The following MPPED1 variants were observed in gnomAD, a reference collection of about 807,000 sequenced individuals.
MPPED1 encodes the protein metallophosphoesterase domain containing 1.
MPPED1 carries 16 observed loss-of-function variants against 36.2 expected under a neutral mutation model. The ratio of observed to expected loss-of-function variants is 0.44; its 90% CI spans 0.30 to 0.67. The LOEUF is 0.67. Ranked by LOEUF, MPPED1 falls within the 30% of genes least tolerant of loss-of-function variation. The probability of loss-of-function intolerance (pLI) is 0.10; values close to 1 mark genes in which losing one functional copy is unlikely to be tolerated. For missense variants in MPPED1, 307 were observed against 453.4 expected (o/e 0.68, Z 2.93); for synonymous variants, 199 against 191.3 (o/e 1.04, Z -0.33).
At chr22:43,452,348 C>G (rs1327083620) in intron 3 of MPPED1, among the ~76,000 whole-genome samples, 2 of 152,092 alleles carry the variant, frequency 1.3e-5, no homozygotes, top group Non-Finnish European at 2.9e-5. Flanking sequence ...TGGAACCTCT[C>G]ATACTCCTGG....
chr22:43,455,145 T>C (rs1930711082), intron 3 of MPPED1, among the ~76,000 whole-genome samples: 1 of 116,812 alleles, frequency 8.6e-6, no homozygotes, highest in Non-Finnish European at 1.7e-5. Context: ...AGTCTTACTC[T>C]GTCACCCAGA....
At chr22:43,503,139 C>T (rs1194295426) in intron 6 of MPPED1, among the ~76,000 whole-genome samples, 1 of 152,094 alleles carries the variant, frequency 6.6e-6, no homozygotes, top group Non-Finnish European at 1.5e-5. Flanking sequence ...AACTGGTGGC[C>T]CTGTCTTGTT....
chr22:43,483,114 T>C (rs1290357215), intron 4 of MPPED1, among the ~76,000 whole-genome samples: 2 of 152,316 alleles, frequency 1.3e-5, no homozygotes, highest in African/African-American at 2.4e-5. Flanking sequence ...TGGGCCTGCA[T>C]GGCAGGGAGG....
At chr22:43,413,285 T>C (rs973824460) in intron 1 of MPPED1, among the ~76,000 whole-genome samples, 1 of 141,352 alleles carries the variant, frequency 7.1e-6, no homozygotes, top group Admixed American at 7.6e-5. Context: ...GGGAGTTGAA[T>C]GGCACTGGGA....
At chr22:43,462,488 T>C (rs1436523061) in intron 3 of MPPED1, among the ~76,000 whole-genome samples, 13 of 152,244 alleles carry the variant, frequency 8.5e-5, no homozygotes, top group Non-Finnish European at 1.3e-4. Flanking sequence ...AATGAAGATT[T>C]AGAGATTTAG....
chr22:43,485,947 G>A (rs1053196626), intron 4 of MPPED1, among the ~76,000 whole-genome samples: 3 of 152,368 alleles, frequency 2.0e-5, no homozygotes, highest in South Asian at 2.1e-4. Context: ...GGCAGCCATC[G>A]GGCCCCAAGG....
At chr22:43,492,932 G>C (rs187452785) in intron 4 of MPPED1, among the ~76,000 whole-genome samples, 1 of 152,298 alleles carries the variant, frequency 6.6e-6, no homozygotes, top group East Asian at 1.9e-4. Flanking sequence ...CCAAGAACAG[G>C]TAAAGTCCTG....
intron 4 of MPPED1, among the ~76,000 whole-genome samples, chr22:43,482,401 C>A (rs1015917983): frequency 6.6e-6 from 1 of 152,070 alleles, no homozygotes; most frequent in Non-Finnish European, 1.5e-5. Context: ...TTCACTGTCT[C>A]CCGGCAGGGC....
intron 3 of MPPED1, among the ~76,000 whole-genome samples, chr22:43,469,328 A>G (rs1014629455): frequency 6.6e-6 from 1 of 152,128 alleles, no homozygotes; most frequent in African/African-American, 2.4e-5. Context: ...TTTTTCCCCC[A>G]TAAAGCCCCT....
At chr22:43,426,301 A>T (rs1422827087) in intron 2 of MPPED1, among the ~76,000 whole-genome samples, 1 of 151,606 alleles carries the variant, frequency 6.6e-6, no homozygotes, top group Non-Finnish European at 1.5e-5. Context: ...TGGCTGTTGT[A>T]CCTTCACCCG....
rs531003607 is a variant in MPPED1 at position 43,427,993 on chromosome 22, G to T, written c.224+2784G>T. On this transcript the variant is annotated intron_variant, in intron 2 of 6. Coordinates refer to ENST00000443721, the MANE Select transcript of MPPED1 (RefSeq NM_001044370.2). ...GGGATGAAATAGTTAAATCCTCGTA[G>T]AGAAGGCGCGGTGGGCAGCAAGCGT... is the stretch of plus-strand genomic sequence containing the variant. 5.3e-5 allele frequency among the ~76,000 whole-genome samples: 8 copies of T among 152,308 alleles called. No individual in the cohort carries two copies. The East Asian group carries it at 1.5e-3, about 29-fold the overall frequency.
chr22:43,425,863 G>A (rs1035373821), intron 2 of MPPED1, among the ~76,000 whole-genome samples: 8 of 152,242 alleles, frequency 5.3e-5, no homozygotes, highest in Admixed American at 1.3e-4. Context: ...GTGAGGCCCT[G>A]GGGAGCACAC....
chr22:43,439,852 C>T lies in MPPED1; in HGVS notation c.406+4637C>T, dbSNP rs149513710. On this transcript the variant is annotated intron_variant, in intron 3 of 6. Transcript: ENST00000443721. ...CCTCACTCGTAGAATAAGCTCCCCT[C>T]CCTGGTCCGGGGCCCACGCTCCACT... Among the ~76,000 whole-genome samples the T allele has an allele frequency of 9.0e-3, 1,367 of 152,332 alleles. 44 individuals carry two copies. In the South Asian group the frequency reaches 0.097, roughly 11 times the overall value.
chr22:43,470,606 A>G (rs1243959864), intron 3 of MPPED1, among the ~76,000 whole-genome samples: 1 of 152,200 alleles, frequency 6.6e-6, no homozygotes, highest in East Asian at 1.9e-4. Context: ...CCATCCATCC[A>G]CTGAGAGGCG....
chr22:43,458,574 G>A (rs1292182622), intron 3 of MPPED1, among the ~76,000 whole-genome samples: 1 of 152,118 alleles, frequency 6.6e-6, no homozygotes, highest in Non-Finnish European at 1.5e-5. Context: ...ATGAACCACC[G>A]CGCCTGGCCT....
chr22:43,440,723 C>T (rs1459766619), intron 3 of MPPED1, among the ~76,000 whole-genome samples: 6 of 152,132 alleles, frequency 3.9e-5, no homozygotes, highest in Non-Finnish European at 8.8e-5. Context: ...CCACAGCCCT[C>T]ACTTCACCCC....
intron 4 of MPPED1, among the ~76,000 whole-genome samples, chr22:43,480,266 A>T (rs999422826): frequency 3.3e-5 from 5 of 152,162 alleles, no homozygotes; most frequent in Admixed American, 1.3e-4. Context: ...ACAAGGGCCT[A>T]TAACTACTGG....
chr22:43,421,366 A>G (rs1254530652), intron 1 of MPPED1, among the ~76,000 whole-genome samples: 1 of 152,256 alleles, frequency 6.6e-6, no homozygotes, highest in African/African-American at 2.4e-5. Context: ...TGTGAAATGC[A>G]GCATTTCAGC....
intron 3 of MPPED1, among the ~76,000 whole-genome samples, chr22:43,451,784 G>A (rs576255130): frequency 4.7e-4 from 72 of 152,218 alleles, no homozygotes; most frequent in Non-Finnish European, 8.8e-4. Context: ...CTGTGGTCAA[G>A]GCCTCTGGCG....
Sources: gnomAD v4.1 joint callset for allele counts (sites outside exome capture counted in the v4.1 genomes callset) on GRCh38, gnomAD v4.1.1 for gene constraint, MANE v1.5 for transcripts, NCBI Gene and HGNC (gene_info 2026-07-23, HGNC 2026-07-21) for gene names.